TMTC2: variants seen among roughly 807,000 people sequenced by gnomAD.
The protein encoded by TMTC2 is protein O-mannosyl-transferase TMTC2.
A neutral mutation model predicts 82.4 loss-of-function variants in TMTC2; 43 were observed. The observed-to-expected ratio is 0.52, with a 90% CI of 0.41 to 0.67. The LOEUF (loss-of-function observed/expected upper bound fraction) is 0.67, where lower values mean the gene tolerates loss of function less well. TMTC2 is among the 30% of genes least tolerant of loss of function. The pLI is 0.00. For missense variants in TMTC2, 919 were observed against 1,012.4 expected, an observed-to-expected ratio of 0.91 and a Z score of 1.25; for synonymous variants, 408 against 381.9, an observed-to-expected ratio of 1.07 and a Z score of -0.80.
At chr12:83,060,523 A>G (rs1453391787) in intron 10 of TMTC2, among the ~76,000 whole-genome samples, 1 of 151,734 alleles carries the variant, frequency 6.6e-6, no homozygotes, top group South Asian at 2.1e-4. Flanking sequence ...TCACAGCTTC[A>G]AGAGAACACC....
intron 8 of TMTC2, among the ~76,000 whole-genome samples, chr12:83,028,547 G>A (rs1008001599): frequency 6.6e-6 from 1 of 152,114 alleles, no homozygotes; most frequent in Non-Finnish European, 1.5e-5. Flanking sequence ...TTGGGCAAGT[G>A]CTTAATGGCA....
intron 1 of TMTC2, among the ~76,000 whole-genome samples, chr12:82,734,766 T>A (rs183857416): frequency 6.6e-6 from 1 of 152,310 alleles, no homozygotes; most frequent in East Asian, 1.9e-4. Flanking sequence ...AAAGTCTAGG[T>A]CTCTACTTAT....
intron 3 of TMTC2, among the ~76,000 whole-genome samples, chr12:82,924,762 C>G (rs971085104): frequency 8.5e-5 from 13 of 152,138 alleles, no homozygotes; most frequent in Non-Finnish European, 1.8e-4. Flanking sequence ...CAGCTGGTCC[C>G]CCTGTTGCTC....
chr12:82,768,341 G>A (rs759870006), intron 1 of TMTC2, among the ~76,000 whole-genome samples: 2 of 152,146 alleles, frequency 1.3e-5, no homozygotes, highest in Non-Finnish European at 2.9e-5. Flanking sequence ...TCTAATGCAC[G>A]TTCTTATACT....
At chr12:82,779,068 C>G (rs1240127648) in intron 1 of TMTC2, among the ~76,000 whole-genome samples, 1 of 151,164 alleles carries the variant, frequency 6.6e-6, no homozygotes, top group Non-Finnish European at 1.5e-5. Flanking sequence ...CTCACACAGC[C>G]TGAAATTTAA....
At chr12:82,950,853 G>A (rs904197529) in intron 4 of TMTC2, among the ~76,000 whole-genome samples, 4 of 152,124 alleles carry the variant, frequency 2.6e-5, no homozygotes, top group Admixed American at 1.3e-4. Flanking sequence ...TAATGTTAAA[G>A]AATAACGTTT....
intron 1 of TMTC2, among the ~76,000 whole-genome samples, chr12:82,813,865 A>G (rs910325199): frequency 3.3e-5 from 5 of 152,170 alleles, no homozygotes; most frequent in African/African-American, 1.2e-4. Flanking sequence ...AGGTGCTGGT[A>G]GAAAGTGGTA....
intron 1 of TMTC2, among the ~76,000 whole-genome samples, chr12:82,809,863 T>C (rs1342508154): frequency 1.3e-5 from 2 of 152,144 alleles, no homozygotes; most frequent in African/African-American, 4.8e-5. Flanking sequence ...GGAAGAAACA[T>C]CATATTTGAT....
intron 4 of TMTC2, among the ~76,000 whole-genome samples, chr12:82,939,122 C>T (rs1876567162): frequency 6.6e-6 from 1 of 152,096 alleles, no homozygotes; most frequent in Admixed American, 6.5e-5. Flanking sequence ...TTCCATTTTT[C>T]TAATTACAAG....
chr12:82,929,900 G>A (rs1430747330), intron 3 of TMTC2, among the ~76,000 whole-genome samples: 1 of 152,138 alleles, frequency 6.6e-6, no homozygotes, highest in Non-Finnish European at 1.5e-5. Flanking sequence ...AGCAGAAACA[G>A]TATAAAAGAA....
chr12:82,832,565 G>T (rs963179232), intron 1 of TMTC2, among the ~76,000 whole-genome samples: 5 of 152,068 alleles, frequency 3.3e-5, no homozygotes. Context: ...TGTCTGGAGT[G>T]TATCTTCCAT....
intron 11 of TMTC2, among the ~76,000 whole-genome samples, chr12:83,118,710 C>T (rs1314679004): frequency 6.6e-6 from 1 of 152,064 alleles, no homozygotes; most frequent in Non-Finnish European, 1.5e-5. Context: ...AGGCTTCGCT[C>T]TTTCTCTATC....
rs1317663170 is a variant in TMTC2 at position 82,997,324 on chromosome 12, CTGTGTG to C, written c.2070+11298_2070+11303del. On this transcript the variant is annotated intron_variant, in intron 8 of 11. Transcript: ENST00000321196. ...GCCTGGACTGTGTGTGTGTGTGTGT[CTGTGTG>C]TGTGTGTGTGTGTGTGTGTATATAT... 8.8e-3 allele frequency among the ~76,000 whole-genome samples: 225 copies of C among 25,478 alleles called. 5 individuals carry two copies. The highest frequency in any genetic ancestry group is 0.016 in the Non-Finnish European group (195 of 12,260). The allele number at this position is 25,478 out of a possible 152,430, so 16.7% of individuals were successfully genotyped here.
intron 4 of TMTC2, among the ~76,000 whole-genome samples, chr12:82,949,770 G>C (rs1381056681): frequency 6.6e-6 from 1 of 152,128 alleles, no homozygotes; most frequent in Non-Finnish European, 1.5e-5. Context: ...CTATTTCTTA[G>C]TGTTCCCTGG....
intron 8 of TMTC2, among the ~76,000 whole-genome samples, chr12:82,998,529 G>A (rs1023474967): frequency 6.6e-6 from 1 of 152,098 alleles, no homozygotes; most frequent in Non-Finnish European, 1.5e-5. Context: ...TTATTAATTT[G>A]TGATCTTAAG....
intron 8 of TMTC2, among the ~76,000 whole-genome samples, chr12:83,010,204 A>G (rs942592274): frequency 2.0e-5 from 3 of 152,162 alleles, no homozygotes; most frequent in African/African-American, 7.2e-5. Context: ...CTCAATCTGA[A>G]ACCAGTTCAA....
intron 9 of TMTC2, among the ~76,000 whole-genome samples, chr12:83,045,156 A>G (rs1175466384): frequency 6.6e-6 from 1 of 152,166 alleles, no homozygotes; most frequent in Non-Finnish European, 1.5e-5. Context: ...CCCTTTTCCC[A>G]CTTTAGCCCA....
At chr12:82,841,537 C>T (rs536525308) in intron 1 of TMTC2, among the ~76,000 whole-genome samples, 10 of 152,266 alleles carry the variant, frequency 6.6e-5, no homozygotes, top group South Asian at 4.1e-4. Context: ...TCAGCGCTCG[C>T]ATATCCGTGT....
intron 11 of TMTC2, among the ~76,000 whole-genome samples, chr12:83,110,684 T>A (rs1412258446): frequency 2.6e-5 from 4 of 152,170 alleles, no homozygotes; most frequent in Non-Finnish European, 5.9e-5. Context: ...TCCAGAAACT[T>A]CCCTCCTTTG....
Sources: allele counts gnomAD v4.1 joint callset (sites outside exome capture counted in the v4.1 genomes callset), GRCh38; gene constraint gnomAD v4.1.1; transcripts MANE v1.5; gene names NCBI Gene and HGNC (gene_info 2026-07-23, HGNC 2026-07-21).